Variants in RARB observed in about 807,000 individuals in gnomAD.
RARB encodes the protein retinoic acid receptor beta.
RARB carries 17 observed loss-of-function variants against 51.9 expected under a neutral mutation model. The observed-to-expected ratio is 0.33, with a 90% confidence interval of 0.22 to 0.49. The LOEUF (loss-of-function observed/expected upper bound fraction) is 0.49. RARB is among the 20% of genes least tolerant of loss of function. The pLI is 0.99. For missense variants in RARB, 369 were observed against 550.8 expected (o/e 0.67, Z 3.30); for synonymous variants, 215 against 195.4 (o/e 1.10, Z -0.84).
chr3:25,203,396 C>T (rs908647429), intron 5 of RARB, among the ~76,000 whole-genome samples: 1 of 152,188 alleles, frequency 6.6e-6, no homozygotes, highest in African/African-American at 2.4e-5. Flanking sequence ...ATTTGCCAGT[C>T]TGTGTCTTTT....
intron 1 of RARB, among the ~76,000 whole-genome samples, chr3:25,458,123 C>G (rs906483608): frequency 2.0e-5 from 3 of 152,066 alleles, no homozygotes; most frequent in Non-Finnish European, 4.4e-5. Context: ...AAAATAACAA[C>G]CTTTGAACTG....
At position 24,952,968 on chromosome 3, in the gene RARB, T is replaced by C. The variant is rs548742211; in HGVS notation, c.-380+94216T>C. On this transcript the variant is annotated intron_variant, in intron 2 of 11. Transcript: ENST00000383772. ...AACATAGTTCGCAAAGCATATTAAG[T>C]ATGAAAGAATATTTATATAGTATAG... is the stretch of plus-strand genomic sequence containing the variant. Among the ~76,000 whole-genome samples the C allele has an allele frequency of 1.5e-3, 227 of 152,248 alleles. 1 individual carries two copies. The highest frequency in any genetic ancestry group is 2.7e-3 in the Non-Finnish European group (182 of 68,022).
intron 4 of RARB, among the ~76,000 whole-genome samples, chr3:25,167,847 A>C (rs1700584077): frequency 6.6e-6 from 1 of 152,138 alleles, no homozygotes; most frequent in Non-Finnish European, 1.5e-5. Flanking sequence ...CGAATACTAG[A>C]GTCTTTCATA....
intron 2 of RARB, among the ~76,000 whole-genome samples, chr3:24,917,981 A>T (rs1021164099): frequency 6.6e-6 from 1 of 152,238 alleles, no homozygotes; most frequent in Non-Finnish European, 1.5e-5. Flanking sequence ...CTACTTTAGG[A>T]AACAATTTGT....
intron 3 of RARB, among the ~76,000 whole-genome samples, chr3:25,081,769 AT>A (rs999881298): frequency 1.1e-4 from 16 of 149,084 alleles, no homozygotes; most frequent in African/African-American, 3.9e-4. Context: ...AGTAGCTGGG[AT>A]TACAGGTGCC....
intron 4 of RARB, among the ~76,000 whole-genome samples, chr3:25,155,860 G>A (rs188926712): frequency 3.9e-4 from 60 of 152,294 alleles, no homozygotes; most frequent in Non-Finnish European, 7.8e-4. Context: ...AGGAAAGGGG[G>A]CATTGGTTCC....
At chr3:25,102,091 G>C (rs1337943863) in intron 3 of RARB, among the ~76,000 whole-genome samples, 1 of 152,120 alleles carries the variant, frequency 6.6e-6, no homozygotes, top group Non-Finnish European at 1.5e-5. Context: ...ATGTACAGGT[G>C]CCATAAATTA....
intron 2 of RARB, among the ~76,000 whole-genome samples, chr3:24,946,608 T>C (rs1053865309): frequency 3.9e-5 from 6 of 151,944 alleles, no homozygotes; most frequent in Non-Finnish European, 5.9e-5. Flanking sequence ...GTGGCTCACA[T>C]AGGTAATCCT....
chr3:25,537,747 A>C (rs982928754), intron 3 of RARB, among the ~76,000 whole-genome samples: 1 of 152,208 alleles, frequency 6.6e-6, no homozygotes, highest in Non-Finnish European at 1.5e-5. Flanking sequence ...CCCTCAGTTC[A>C]TAAAGCTGAG....
chr3:25,356,257 A>G (rs933279395), intron 5 of RARB, among the ~76,000 whole-genome samples: 7 of 152,130 alleles, frequency 4.6e-5, no homozygotes, highest in Non-Finnish European at 1.0e-4. Context: ...GAGATCCACC[A>G]AAGCTGAAGT....
At chr3:25,164,588 T>A (rs1176859387) in intron 4 of RARB, among the ~76,000 whole-genome samples, 1 of 152,218 alleles carries the variant, frequency 6.6e-6, no homozygotes, top group East Asian at 1.9e-4. Flanking sequence ...TGGCTAGACT[T>A]GATTTTCTAG....
At chr3:25,026,234 A>G (rs759433213) in intron 2 of RARB, among the ~76,000 whole-genome samples, 20 of 152,220 alleles carry the variant, frequency 1.3e-4, no homozygotes, top group Non-Finnish European at 2.4e-4. Context: ...AGGAGATCCA[A>G]TTACAGCAGT....
At chr3:24,848,990 T>C (rs1281760270) in intron 1 of RARB, among the ~76,000 whole-genome samples, 1 of 152,220 alleles carries the variant, frequency 6.6e-6, no homozygotes, top group Non-Finnish European at 1.5e-5. Flanking sequence ...ACCTGTCTGC[T>C]TACACTTCCT....
chr3:25,294,433 A>G (rs1001945977), intron 5 of RARB, among the ~76,000 whole-genome samples: 14 of 152,230 alleles, frequency 9.2e-5, no homozygotes, highest in African/African-American at 3.4e-4. Context: ...TATTTCTAGC[A>G]GAAGGAATTG....
At chr3:25,507,690 C>T (rs1697680051) in intron 3 of RARB, among the ~76,000 whole-genome samples, 1 of 152,148 alleles carries the variant, frequency 6.6e-6, no homozygotes, top group South Asian at 2.1e-4. Flanking sequence ...TTGGACCTTA[C>T]TTTTGCCAAA....
intron 5 of RARB, among the ~76,000 whole-genome samples, chr3:25,406,099 T>C (rs535773544): frequency 6.6e-6 from 1 of 152,180 alleles, no homozygotes; most frequent in Non-Finnish European, 1.5e-5. Flanking sequence ...GTGATTGCTA[T>C]CTCTCCATTC....
At chr3:25,093,082 A>G (rs576252392) in intron 3 of RARB, among the ~76,000 whole-genome samples, 1 of 152,136 alleles carries the variant, frequency 6.6e-6, no homozygotes, top group Non-Finnish European at 1.5e-5. Context: ...TGGTCATCTC[A>G]TGCTCTGGTA....
intron 2 of RARB, among the ~76,000 whole-genome samples, chr3:24,957,798 G>C (rs545882910): frequency 6.6e-6 from 1 of 152,120 alleles, no homozygotes; most frequent in Non-Finnish European, 1.5e-5. Flanking sequence ...GTTAGATCCC[G>C]TTAGAAAAGA....
chr3:25,470,666 G>T (rs1042791216), intron 2 of RARB, among the ~76,000 whole-genome samples: 2 of 152,142 alleles, frequency 1.3e-5, no homozygotes, highest in Non-Finnish European at 2.9e-5. Flanking sequence ...AACAACTAGG[G>T]ATCCATAGGA....
Sources: allele counts gnomAD v4.1 joint callset (sites outside exome capture counted in the v4.1 genomes callset), GRCh38; gene constraint gnomAD v4.1.1; transcripts MANE v1.5; gene names NCBI Gene and HGNC (gene_info 2026-07-23, HGNC 2026-07-21).